The following ANP32A variants were observed in gnomAD, a reference collection of about 807,000 sequenced individuals.
The protein encoded by ANP32A is acidic nuclear phosphoprotein 32 family member A, also known as acidic leucine-rich nuclear phosphoprotein 32 family member A.
Under a neutral mutation model 33.9 loss-of-function variants are expected in ANP32A, and 1 was observed. The ratio of observed to expected loss-of-function variants is 0.03; its 90% CI spans 0.01 to 0.14. ANP32A has a LOEUF of 0.14. Ranked by LOEUF, ANP32A falls within the 10% of genes least tolerant of loss-of-function variation. The pLI, the probability that ANP32A is intolerant of heterozygous loss-of-function variation, is 1.00. For missense variants in ANP32A, 155 were observed against 306.0 expected (o/e 0.51, Z 3.68); for synonymous variants, 115 against 120.5 (o/e 0.95, Z 0.30).
At chr15:68,816,210 C>G (rs1894379189) in intron 1 of ANP32A, among the ~76,000 whole-genome samples, 1 of 152,066 alleles carries the variant, frequency 6.6e-6, no homozygotes, top group African/African-American at 2.4e-5. Context: ...TACGGTGGCA[C>G]CACTCCAAAG....
At chr15:68,783,449 G>T (rs3784358) in intron 4 of ANP32A, among the ~76,000 whole-genome samples, 2 of 152,146 alleles carry the variant, frequency 1.3e-5, no homozygotes, top group Non-Finnish European at 2.9e-5. Flanking sequence ...GTCACGCATC[G>T]AGTCACTAGT....
Position 68,793,682 on chromosome 15 carries a change from G to A in ANP32A, c.55-5763C>T, listed in dbSNP as rs372345109. On this transcript the variant is annotated intron_variant, in intron 1 of 6. Transcript: ENST00000465139. ...AGGCATGCTAAAGGCAGATGAGGGG[G>A]ACCCAGAAGGACCAACGGAGGAGAT... is the stretch of plus-strand genomic sequence containing the variant. 8.5e-5 allele frequency among the ~76,000 whole-genome samples: 13 copies of A among 152,250 alleles called. No homozygotes were observed. The East Asian group carries it at 1.7e-3, about 20-fold the overall frequency.
chr15:68,818,745 A>T (rs1596078409), intron 1 of ANP32A, among the ~76,000 whole-genome samples: 2 of 149,226 alleles, frequency 1.3e-5, no homozygotes, highest in African/African-American at 5.0e-5. Flanking sequence ...ACCCGCGGCG[A>T]CCCCGGCCCC....
intron 1 of ANP32A, among the ~76,000 whole-genome samples, chr15:68,794,124 A>G (rs1215649341): frequency 6.6e-6 from 1 of 152,194 alleles, no homozygotes; most frequent in East Asian, 1.9e-4. Context: ...TTAAATAAGA[A>G]TGTACTTGGA....
At chr15:68,795,837 G>A (rs1894056936) in intron 1 of ANP32A, among the ~76,000 whole-genome samples, 1 of 152,132 alleles carries the variant, frequency 6.6e-6, no homozygotes, top group Non-Finnish European at 1.5e-5. Flanking sequence ...TCAAGGACCT[G>A]TCAGTTCTAC....
rs114214414 is a variant in ANP32A at position 68,813,618 on chromosome 15, A to C, written c.54+7080T>G. On this transcript the variant is annotated intron_variant, in intron 1 of 6. Transcript: ENST00000465139. ...CCTAGGAGACCAGAGAACTAGCTAG[A>C]GTAAGGGATGGACTGCCAAAACAAA... 9.8e-3 allele frequency among the ~76,000 whole-genome samples: 1,492 copies of C among 152,298 alleles called. 18 individuals carry two copies. Among genetic ancestry groups the C allele is most frequent in the African/African-American group, 0.035 (1,438 of 41,558 alleles).
intron 1 of ANP32A, among the ~76,000 whole-genome samples, chr15:68,804,326 T>C (rs865925781): frequency 2.2e-4 from 33 of 152,190 alleles, no homozygotes; most frequent in South Asian, 4.1e-4. Context: ...TCCTCAGTAC[T>C]ACCTGACCTT....
intron 1 of ANP32A, among the ~76,000 whole-genome samples, chr15:68,804,547 CCTTGTTTTCT>C (rs1894187334): frequency 6.6e-6 from 1 of 152,114 alleles, no homozygotes; most frequent in Non-Finnish European, 1.5e-5. Context: ...TAGTGTCTTC[CCTTGTTTTCT>C]GAGTCTCGCT....
intron 1 of ANP32A, among the ~76,000 whole-genome samples, chr15:68,808,893 C>A (rs1349427308): frequency 6.6e-6 from 1 of 152,212 alleles, no homozygotes; most frequent in Non-Finnish European, 1.5e-5. Flanking sequence ...AGCAAACACA[C>A]TCTGCGGGCC....
At chr15:68,781,607 C>CTT (rs60622563) in intron 5 of ANP32A, 15,315 of 141,304 alleles carry the variant, frequency 0.11, 1,073 homozygotes, top group East Asian at 0.3. Context: ...ATCTGGCCAG[C>CTT]TTTTTTTTTT....
intron 1 of ANP32A, among the ~76,000 whole-genome samples, chr15:68,820,026 C>G (rs2140378516): frequency 6.6e-6 from 1 of 152,218 alleles, no homozygotes; most frequent in South Asian, 2.1e-4. Flanking sequence ...GCTCCCCCGT[C>G]TCTCGCCTCA....
intron 1 of ANP32A, among the ~76,000 whole-genome samples, chr15:68,811,285 T>C (rs1454193019): frequency 1.3e-5 from 2 of 151,940 alleles, no homozygotes; most frequent in Non-Finnish European, 2.9e-5. Flanking sequence ...ACGGGATCAA[T>C]TAGAGTCTTT....
At chr15:68,795,859 A>G in intron 1 of ANP32A, among the ~76,000 whole-genome samples, 1 of 152,150 alleles carries the variant, frequency 6.6e-6, no homozygotes, top group East Asian at 1.9e-4. Flanking sequence ...TCCCGCAGGA[A>G]GCCTTCCCTG....
In ANP32A at chr15:68,780,239, G is replaced by T; in HGVS notation, c.689-97C>A. 6.4e-7 allele frequency: 1 copy of T among 1,573,036 alleles called. No homozygotes were observed. The highest frequency in any genetic ancestry group is 1.1e-5 in the South Asian group (1 of 87,790). ...AAGTCAGGGGACCCATGACTAGCAAGCTGTGCCATCCTTGGAAACCGAGGC... is the reference window on the plus strand; with the variant it reads ...AAGTCAGGGGACCCATGACTAGCAATCTGTGCCATCCTTGGAAACCGAGGC... On this transcript the variant is annotated intron_variant, in intron 6 of 6. Coordinates refer to ENST00000465139, the MANE Select transcript of ANP32A (RefSeq NM_006305.4). The surrounding 1 kb of genome is among the most constrained non-coding windows in gnomAD (Gnocchi z 4.3).
intron 1 of ANP32A, among the ~76,000 whole-genome samples, chr15:68,815,574 G>A (rs965293568): frequency 5.9e-5 from 9 of 152,172 alleles, no homozygotes; most frequent in African/African-American, 1.9e-4. Flanking sequence ...CAAAAATTGG[G>A]AGCTCAGTTA....
chr15:68,787,902 C>T lies in ANP32A; in HGVS notation c.72G>A (p.Leu24=). ...RTPSDVKELV[L]DNSRSNEGKL... ...TGCCTTCATTCGACCGACTGTTGTCCAGGACAAGTTCTTTCACCTGAAAGA... is the reference window on the plus strand; with the variant it reads ...TGCCTTCATTCGACCGACTGTTGTCTAGGACAAGTTCTTTCACCTGAAAGA... The change falls in exon 2 of 7, where the codon CTG becomes CTA. Residue 24 remains leucine (L), a synonymous_variant. Transcript: ENST00000465139. 6.2e-7 allele frequency: 1 copy of T among 1,614,134 alleles called. No individual in the cohort carries two copies. Among genetic ancestry groups the T allele is most frequent in the Non-Finnish European group, 8.5e-7 (1 of 1,180,036 alleles).
intron 1 of ANP32A, among the ~76,000 whole-genome samples, chr15:68,811,240 G>C (rs1284234295): frequency 8.5e-5 from 13 of 152,124 alleles, no homozygotes; most frequent in Non-Finnish European, 5.9e-5. Flanking sequence ...AGGGAGTAGG[G>C]AGAAGAGTGG....
rs1189149423 is a variant in ANP32A at position 68,778,950 on chromosome 15, A to G, written c.*1131T>C. 6.6e-6 allele frequency: 1 copy of G among 152,214 alleles called. No homozygotes were observed. Among genetic ancestry groups the G allele is most frequent in the Admixed American group, 6.5e-5 (1 of 15,278 alleles). The allele number at this position is 152,214 out of a possible 1,614,324, so 9.4% of individuals were successfully genotyped here. On this transcript the variant is annotated 3_prime_UTR_variant, in exon 7 of 7. Coordinates refer to ENST00000465139, the MANE Select transcript of ANP32A (RefSeq NM_006305.4). ...TGAAATTTATCAATGACAAACAGAC[A>G]TAAAACTCAAAGTTTGGCTCTTCTG... is the stretch of plus-strand genomic sequence containing the variant.
intron 5 of ANP32A, chr15:68,782,631 A>G: frequency 3.1e-6 from 1 of 323,846 alleles, no homozygotes; most frequent in Non-Finnish European, 5.9e-6. Context: ...CTTAATTAGC[A>G]TATGAAAGCA....
Sources: allele counts gnomAD v4.1 joint callset (sites outside exome capture counted in the v4.1 genomes callset), GRCh38; gene constraint gnomAD v4.1.1; non-coding constraint Gnocchi (gnomAD v3.1); transcripts MANE v1.5; gene names NCBI Gene and HGNC (gene_info 2026-07-23, HGNC 2026-07-21).